IMPG2: variants seen among roughly 807,000 people sequenced by gnomAD.
IMPG2 encodes interphotoreceptor matrix proteoglycan 2.
A neutral mutation model predicts 129.2 loss-of-function variants in IMPG2; 91 were observed. That is an observed-to-expected ratio of 0.70 (90% CI 0.59 to 0.84). The LOEUF is 0.84. IMPG2 is among the 40% of genes least tolerant of loss of function. The pLI is 0.00. For synonymous variants in IMPG2, 510 were observed against 517.7 expected, an observed-to-expected ratio of 0.99 and a Z score of 0.20; for missense variants, 1,430 against 1,461.7, an observed-to-expected ratio of 0.98 and a Z score of 0.35.
chr3:101,285,336 G>A (rs3773917), intron 4 of IMPG2, among the ~76,000 whole-genome samples: 19,446 of 152,098 alleles, frequency 0.13, 1,299 homozygotes, highest in Middle Eastern at 0.17. Flanking sequence ...ACAGGGATCA[G>A]TACATTCTGC....
intron 9 of IMPG2, among the ~76,000 whole-genome samples, chr3:101,263,302 G>T (rs1003263781): frequency 2.0e-5 from 3 of 151,958 alleles, no homozygotes. Context: ...CTGACCATAT[G>T]TTAGGACACA....
intron 4 of IMPG2, among the ~76,000 whole-genome samples, chr3:101,290,351 T>C (rs532571363): frequency 6.6e-6 from 1 of 151,608 alleles, no homozygotes. Flanking sequence ...TACAGAAAAA[T>C]ACAAAAAAGT....
intron 2 of IMPG2, among the ~76,000 whole-genome samples, chr3:101,305,963 TA>T (rs1288665968): frequency 6.6e-6 from 1 of 152,012 alleles, no homozygotes; most frequent in Non-Finnish European, 1.5e-5. Flanking sequence ...TAACAGAGAT[TA>T]AAAAAACTAT....
At chr3:101,297,382 T>G (rs1707092184) in intron 3 of IMPG2, among the ~76,000 whole-genome samples, 1 of 152,204 alleles carries the variant, frequency 6.6e-6, no homozygotes, top group Non-Finnish European at 1.5e-5. Context: ...TTGGAGGATT[T>G]TTTGTGTCTC....
intron 3 of IMPG2, among the ~76,000 whole-genome samples, chr3:101,298,076 G>A (rs1457474839): frequency 6.6e-6 from 1 of 152,198 alleles, no homozygotes; most frequent in African/African-American, 2.4e-5. Flanking sequence ...ATGAATCTGA[G>A]TGCTTCTATA....
At chr3:101,307,060 T>C (rs1428599776) in intron 2 of IMPG2, among the ~76,000 whole-genome samples, 5 of 152,240 alleles carry the variant, frequency 3.3e-5, no homozygotes, top group Admixed American at 2.6e-4. Context: ...ACAAACAACC[T>C]AATTTTTACA....
intron 4 of IMPG2, among the ~76,000 whole-genome samples, chr3:101,287,277 G>T (rs190162506): frequency 4.2e-4 from 64 of 152,260 alleles, no homozygotes; most frequent in African/African-American, 1.5e-3. Context: ...CATGCTCATG[G>T]ATTGGAAGAA....
intron 14 of IMPG2, among the ~76,000 whole-genome samples, chr3:101,235,354 G>C (rs1407241318): frequency 6.6e-6 from 1 of 152,216 alleles, no homozygotes; most frequent in Admixed American, 6.5e-5. Flanking sequence ...TGCTCAAAAA[G>C]TTTCAGACTG....
At chr3:101,232,755 A>C in intron 15 of IMPG2, 26 bp downstream of exon 15, 1 of 1,604,510 alleles carries the variant, frequency 6.2e-7, no homozygotes. Context: ...TAGCCTCTAA[A>C]GTCAAAATCT....
rs1706813157 is a variant in IMPG2, at chr3:101,273,800, A to C, written c.667-58T>G. On this transcript the variant is annotated intron_variant, in intron 6 of 18. Transcript: ENST00000193391. ...AGGCTTATTCATTCAATCAACAAAC[A>C]TTTATTGATTGTTTCAATGTGTCAG... is the stretch of plus-strand genomic sequence containing the variant. 41 of 1,476,624 alleles carry C rather than the reference A, an allele frequency of 2.8e-5. 3 individuals are homozygous for C. The South Asian group carries it at 4.7e-4, about 17-fold the overall frequency. 91.5% of individuals were successfully genotyped at this position (1,476,624 alleles called of 1,614,324 possible).
chr3:101,232,520 G>T (rs1706300261), intron 15 of IMPG2, among the ~76,000 whole-genome samples: 1 of 152,036 alleles, frequency 6.6e-6, no homozygotes, highest in Non-Finnish European at 1.5e-5. Flanking sequence ...TTACAGGCGT[G>T]AGCCACTGCA....
chr3:101,312,079 A>G (rs997897723), intron 2 of IMPG2, among the ~76,000 whole-genome samples: 4 of 152,160 alleles, frequency 2.6e-5, no homozygotes, highest in African/African-American at 7.2e-5. Flanking sequence ...CACCAAAACT[A>G]TAAAACTCTT....
chr3:101,291,485 A>G lies in IMPG2; in HGVS notation c.527T>C (p.Val176Ala), dbSNP rs1485577959. The G allele has an allele frequency of 1.2e-6, 2 of 1,613,084 alleles. No homozygotes were observed. Among genetic ancestry groups the G allele is most frequent in the African/African-American group, 2.7e-5 (2 of 74,906 alleles). The change falls in exon 4 of 19, where the codon GTA becomes GCA. Residue 176 changes from valine to alanine, a missense_variant. Val to Ala is a moderately conservative substitution (Grantham distance 64). Transcript: ENST00000193391. Reference protein sequence around the residue: ...MKKLTYAKETVSSSELSSPVP... With the variant: ...MKKLTYAKETASSSELSSPVP... ...GGGAAAAAGAGACACTCACCTGCTTACAGTTTCCTTTGCATAAGTCAGTTT... is the reference window on the plus strand; with the variant it reads ...GGGAAAAAGAGACACTCACCTGCTTGCAGTTTCCTTTGCATAAGTCAGTTT...
At chr3:101,304,091 T>C in intron 3 of IMPG2, 55 bp downstream of exon 3, 1 of 1,583,882 alleles carries the variant, frequency 6.3e-7, no homozygotes, top group Non-Finnish European at 8.7e-7. Context: ...AGGCCTTAGC[T>C]GTGTAAATGC....
chr3:101,245,961 G>A lies in IMPG2; in HGVS notation c.1384C>T (p.His462Tyr). The A allele has an allele frequency of 6.2e-7, 1 of 1,614,166 alleles. No individual in the cohort carries two copies. Among genetic ancestry groups the A allele is most frequent in the Non-Finnish European group, 8.5e-7 (1 of 1,180,026 alleles). ...ATCTTCGAGGGAAAGGCTAATTTGT[G>A]TGTAGACACTAAATCACCCAAAGGA... is the stretch of plus-strand genomic sequence containing the variant. Reference protein sequence around the residue: ...ESPLGDLVSTHKLAFPSKMGL... With the variant: ...ESPLGDLVSTYKLAFPSKMGL... Residue 462 changes from histidine to tyrosine, a missense_variant, in exon 12 of 19, where the codon CAC (histidine) becomes TAC (tyrosine). By Grantham distance (83) the His-to-Tyr change is moderately conservative (BLOSUM62 2). Transcript: ENST00000193391.
In IMPG2 at chr3:101,224,245, A is replaced by G. The variant is rs974837617; in HGVS notation, c.*2724T>C. 1.3e-5 allele frequency: 2 copies of G among 152,220 alleles called. No homozygotes were observed. The highest frequency in any genetic ancestry group is 2.9e-5 in the Non-Finnish European group (2 of 68,044). 9.4% of individuals were successfully genotyped at this position (152,220 alleles called of 1,614,324 possible). On this transcript the variant is annotated 3_prime_UTR_variant, in exon 19 of 19. Transcript: ENST00000193391. Reference sequence around the variant, plus strand: ...GAAAATGGAGCCCTATTTATCAAATAAATTCCCCTTTATCCATAACCCATA... The same window carrying G: ...GAAAATGGAGCCCTATTTATCAAATGAATTCCCCTTTATCCATAACCCATA...
intron 2 of IMPG2, among the ~76,000 whole-genome samples, chr3:101,317,933 A>G (rs1369354902): frequency 1.3e-5 from 2 of 151,908 alleles, no homozygotes; most frequent in Non-Finnish European, 1.5e-5. Context: ...AATAATATAA[A>G]GTACGGTGAG....
At chr3:101,259,537 C>T (rs1706647288) in intron 9 of IMPG2, among the ~76,000 whole-genome samples, 1 of 150,608 alleles carries the variant, frequency 6.6e-6, no homozygotes, top group Non-Finnish European at 1.5e-5. Context: ...CAGCTTGGTA[C>T]CTAGCACAGA....
chr3:101,242,677 C>A lies in IMPG2; in HGVS notation c.3022+11G>T. On this transcript the variant is annotated intron_variant, in intron 14 of 18. Coordinates refer to ENST00000193391, the MANE Select transcript of IMPG2 (RefSeq NM_016247.4). ...TCTACTAAGAAACCACCATGCTAGG[C>A]AATATCATACCTGATTCCACATCAA... is the stretch of plus-strand genomic sequence containing the variant. The A allele has an allele frequency of 6.4e-7, 1 of 1,574,122 alleles. No individual in the cohort carries two copies. Among genetic ancestry groups the A allele is most frequent in the African/African-American group, 1.3e-5 (1 of 74,218 alleles).
Sources: gnomAD v4.1 joint callset for allele counts (sites outside exome capture counted in the v4.1 genomes callset) on GRCh38, gnomAD v4.1.1 for gene constraint, MANE v1.5 for transcripts, NCBI Gene and HGNC (gene_info 2026-07-23, HGNC 2026-07-21) for gene names.